NDUFS1: variants seen among roughly 807,000 people sequenced by gnomAD.
NDUFS1 encodes the protein NADH:ubiquinone oxidoreductase core subunit S1.
NDUFS1 carries 61 observed loss-of-function variants against 84.4 expected under a neutral mutation model. The ratio of observed to expected loss-of-function variants is 0.72; its 90% CI spans 0.59 to 0.89. NDUFS1 has a LOEUF of 0.89. Ranked by LOEUF, NDUFS1 falls within the 40% of genes least tolerant of loss-of-function variation. The pLI is 0.00. For missense variants in NDUFS1, 891 were observed against 890.0 expected (o/e 1.00, Z -0.01); for synonymous variants, 275 against 290.0 (o/e 0.95, Z 0.53).
At position 206,146,912 on chromosome 2, in the gene NDUFS1, C is replaced by A; in HGVS notation, c.728G>T (p.Trp243Leu). Reference sequence around the variant, plus strand: ...ATAAAATAAAAGATACCTTGTTTCCCAAGGCCGGGCAGTAAAGGCATAGGG... The same window carrying A: ...ATAAAATAAAAGATACCTTGTTTCCAAAGGCCGGGCAGTAAAGGCATAGGG... ...SKPYAFTARP[W>L]ETRKTESIDV... Residue 243 changes from tryptophan (W) to leucine (L), a missense_variant, in exon 8 of 19, where the codon TGG becomes TTG. Trp to Leu is a moderately conservative substitution (Grantham distance 61). Coordinates refer to ENST00000233190, the MANE Select transcript of NDUFS1 (RefSeq NM_005006.7). 7 of 1,613,804 alleles carry A rather than the reference C, an allele frequency of 4.3e-6. No homozygotes were observed. The highest frequency in any genetic ancestry group is 5.9e-6 in the Non-Finnish European group (7 of 1,179,802).
rs71034409 is a variant in NDUFS1 at position 206,122,629 on chromosome 2, C to CAAAAAAAAAAAAAAAAAAAAAAAAAAA, written c.*1555_*1556insTTTTTTTTTTTTTTTTTTTTTTTTTTT. On this transcript the variant is annotated 3_prime_UTR_variant, in exon 19 of 19. Transcript: ENST00000233190. ...TGGGTGACAGAGTAAGACTCCATCT[C>CAAAAAAAAAAAAAAAAAAAAAAAAAAA]AAAAAAAAAAAAAAAACAAAGGGAA... 2 of 75,556 alleles carry CAAAAAAAAAAAAAAAAAAAAAAAAAAA rather than the reference C, an allele frequency of 2.6e-5. No individual in the cohort carries two copies. The highest frequency in any genetic ancestry group is 1.4e-4 in the African/African-American group (2 of 14,574). 4.7% of individuals were successfully genotyped at this position (75,556 alleles called of 1,614,324 possible).
rs531155980 is a variant in NDUFS1, at chr2:206,127,593, C to A, written c.1884+204G>T. On this transcript the variant is annotated intron_variant, in intron 16 of 18. Transcript: ENST00000233190. ...TTAAGAGACAGGGTCTTGCTCTGTC[C>A]CTCAGGCTGGAGTGCAGCGGTGCAA... 5.2e-6 allele frequency: 3 copies of A among 576,094 alleles called. No individual in the cohort carries two copies. In the African/African-American group the frequency reaches 5.6e-5, roughly 11 times the overall value. 35.7% of individuals were successfully genotyped at this position (576,094 alleles called of 1,614,324 possible).
chr2:206,127,615 G>A (rs928461821), intron 16 of NDUFS1, 182 bp downstream of exon 16: 4 of 639,272 alleles, frequency 6.3e-6, no homozygotes, highest in Non-Finnish European at 8.2e-6. Context: ...GTGCAGCGGT[G>A]CAATGAGAGC....
chr2:206,139,552 A>G (rs1305092456), intron 12 of NDUFS1, among the ~76,000 whole-genome samples: 1 of 152,222 alleles, frequency 6.6e-6, no homozygotes, highest in Non-Finnish European at 1.5e-5. Flanking sequence ...TGACAGGGTC[A>G]ATTATCTCTT....
At chr2:206,152,650 T>C (rs1350143873) in intron 2 of NDUFS1, 140 bp from the exon 3 acceptor site, 4 of 717,802 alleles carry the variant, frequency 5.6e-6, no homozygotes, top group Non-Finnish European at 1.0e-5. Flanking sequence ...TGCAAACTTA[T>C]GGTTGTCTAC....
Position 206,140,943 on chromosome 2 carries a change from T to TATATACACACACACACAC in NDUFS1, c.1262+997_1262+998insGTGTGTGTGTGTGTATAT, listed in dbSNP as rs367723817. Among the ~76,000 whole-genome samples the TATATACACACACACACAC allele has an allele frequency of 1.2e-3, 164 of 136,136 alleles. 2 individuals are homozygous for TATATACACACACACACAC. Among genetic ancestry groups the TATATACACACACACACAC allele is most frequent in the South Asian group, 3.0e-3 (13 of 4,310 alleles). The allele number at this position is 136,136 out of a possible 152,430, so 89.3% of individuals were successfully genotyped here. A position where few individuals can be genotyped will look rare whatever the true frequency, so the allele number is the denominator to read the frequency against. On this transcript the variant is annotated intron_variant, in intron 12 of 18. Transcript: ENST00000233190. ...GTGTGTATATATATATATATATATA[T>TATATACACACACACACAC]ACACACACACTGAGAATCATAATAC...
At chr2:206,124,904 C>CA (rs1165615497) in intron 18 of NDUFS1, among the ~76,000 whole-genome samples, 1 of 151,948 alleles carries the variant, frequency 6.6e-6, no homozygotes, top group Non-Finnish European at 1.5e-5. Flanking sequence ...AAAAAGGTTA[C>CA]AAAACAGCAT....
intron 1 of NDUFS1, 114 bp from the exon 2 acceptor site, chr2:206,153,796 TAGGTTCTG>T (rs1692467240): frequency 9.2e-6 from 6 of 655,676 alleles, no homozygotes; most frequent in Non-Finnish European, 1.4e-5. Flanking sequence ...TGAACACTCA[TAGGTTCTG>T]ATATTTTCAC....
At chr2:206,158,867 G>A (rs1315959327) in intron 1 of NDUFS1, among the ~76,000 whole-genome samples, 2 of 152,224 alleles carry the variant, frequency 1.3e-5, no homozygotes, top group African/African-American at 4.8e-5. Flanking sequence ...CGTGGTCAAT[G>A]GACCAAACAA....
chr2:206,147,414 T>C (rs1575985560), intron 7 of NDUFS1, 117 bp downstream of exon 7: 1 of 974,040 alleles, frequency 1.0e-6, no homozygotes, highest in Non-Finnish European at 1.5e-6. Flanking sequence ...AGAAACAGCA[T>C]CCCTCTTCTC....
chr2:206,150,456 A>G (rs1462989217), intron 3 of NDUFS1, among the ~76,000 whole-genome samples: 1 of 152,202 alleles, frequency 6.6e-6, no homozygotes, highest in East Asian at 1.9e-4. Flanking sequence ...CCTGCTCTGC[A>G]ATTTCTTCCT....
intron 16 of NDUFS1, 22 bp from the exon 17 acceptor site, chr2:206,126,866 A>G (rs1417946749): frequency 6.2e-7 from 1 of 1,613,642 alleles, no homozygotes; most frequent in African/African-American, 1.3e-5. Context: ...CAGGTCCCCA[A>G]AAACAACAAA....
At position 206,126,723 on chromosome 2, in the gene NDUFS1, T is replaced by C. The variant is rs142716964; in HGVS notation, c.2006A>G (p.Asn669Ser). The change falls in exon 17 of 19, where the codon AAT becomes AGT. Residue 669 changes from asparagine (N) to serine (S), a missense_variant. By Grantham distance (46) the Asn-to-Ser change is conservative. Transcript: ENST00000233190. ...GCGAGCTGTTACCTTTGAGAGCTCA[T>C]TTGCTTGCTGGAAGTAATTAGCCCC... is the stretch of plus-strand genomic sequence containing the variant. ...IEGANYFQQA[N>S]ELSKLVNQQL... The C allele has an allele frequency of 1.9e-4, 314 of 1,614,148 alleles. 1 individual carries two copies. The highest frequency in any genetic ancestry group is 8.2e-4 in the Middle Eastern group (5 of 6,062).
chr2:206,137,244 G>A (rs1691751803), intron 13 of NDUFS1, among the ~76,000 whole-genome samples: 1 of 152,138 alleles, frequency 6.6e-6, no homozygotes, highest in African/African-American at 2.4e-5. Context: ...GGGAGGCCAA[G>A]GCGAGTGGAC....
Position 206,126,805 on chromosome 2 carries a change from C to T in NDUFS1, c.1924G>A (p.Val642Ile). Residue 642 changes from valine to isoleucine, a missense_variant, in exon 17 of 19, where the codon GTA becomes ATA. Val to Ile is a conservative substitution (Grantham distance 29). Coordinates refer to ENST00000233190, the MANE Select transcript of NDUFS1 (RefSeq NM_005006.7). ...MTLPYDTLDQ[V>I]RNRLEEVSPN... is the part of the protein sequence containing the mutation. ...GAGACTTCTTCCAATCTGTTCCTTA[C>T]TTGATCCAGAGTATCATATGGAAGA... is the stretch of plus-strand genomic sequence containing the variant. 1 of 1,614,146 alleles carries T rather than the reference C, an allele frequency of 6.2e-7. No individual in the cohort carries two copies. Among genetic ancestry groups the T allele is most frequent in the South Asian group, 1.1e-5 (1 of 91,086 alleles).
Position 206,115,598 on chromosome 2 carries a change from C to G in NDUFS1, c.*8587G>C. The stretch of plus-strand genomic sequence containing the variant: ...AGTATTTTATTATTTTGCTGTACAG[C>G]TGTTGCTTCACTATATAAAAACAGC... On this transcript the variant is annotated 3_prime_UTR_variant, in exon 19 of 19. Coordinates refer to ENST00000233190, the MANE Select transcript of NDUFS1 (RefSeq NM_005006.7). 1 of 227,456 alleles carries G rather than the reference C, an allele frequency of 4.4e-6. No individual in the cohort carries two copies. Among genetic ancestry groups the G allele is most frequent in the South Asian group, 6.1e-5 (1 of 16,458 alleles). 14.1% of individuals were successfully genotyped at this position (227,456 alleles called of 1,614,324 possible). A position where few individuals can be genotyped will look rare whatever the true frequency, so the allele number is the denominator to read the frequency against.
At chr2:206,142,911 G>C in intron 10 of NDUFS1, 80 bp from the exon 11 acceptor site, 2 of 1,554,156 alleles carry the variant, frequency 1.3e-6, no homozygotes, top group Non-Finnish European at 8.7e-7. Context: ...AAATAAAACA[G>C]TACTTGTTTT....
rs568642030 is a variant in NDUFS1, at chr2:206,116,488, C to T, written c.*7697G>A. The stretch of plus-strand genomic sequence containing the variant: ...AGCACGGCCCGCACGCTCCGCACCA[C>T]TCGCAGCGCCATGTTCCCAGGGGTG... On this transcript the variant is annotated 3_prime_UTR_variant, in exon 19 of 19. Coordinates refer to ENST00000233190, the MANE Select transcript of NDUFS1 (RefSeq NM_005006.7). 430 of 1,210,844 alleles carry T rather than the reference C, an allele frequency of 3.6e-4. No homozygotes were observed. In the African/African-American group the frequency reaches 6.0e-3, roughly 17 times the overall value. The allele number at this position is 1,210,844 out of a possible 1,614,324, so 75.0% of individuals were successfully genotyped here. A position where few individuals can be genotyped will look rare whatever the true frequency, so the allele number is the denominator to read the frequency against.
rs1245928866 is a variant in NDUFS1 at position 206,159,404 on chromosome 2, G to A, written c.-68C>T. 9 of 507,038 alleles carry A rather than the reference G, an allele frequency of 1.8e-5. No individual in the cohort carries two copies. Among genetic ancestry groups the A allele is most frequent in the Middle Eastern group, 5.2e-4 (1 of 1,906 alleles). The allele number at this position is 507,038 out of a possible 1,614,324, so 31.4% of individuals were successfully genotyped here. On this transcript the variant is annotated 5_prime_UTR_variant, in exon 1 of 19. Transcript: ENST00000233190. ...TCTGGACCACGACGACCCCCTAGGAGGCCGGGTCGCTTATTCAATATGGCG... is the reference window on the plus strand; with the variant it reads ...TCTGGACCACGACGACCCCCTAGGAAGCCGGGTCGCTTATTCAATATGGCG...
Sources: gnomAD v4.1 joint callset for allele counts (sites outside exome capture counted in the v4.1 genomes callset) on GRCh38, gnomAD v4.1.1 for gene constraint, MANE v1.5 for transcripts, NCBI Gene and HGNC (gene_info 2026-07-23, HGNC 2026-07-21) for gene names.